BRWD1: variants seen among roughly 807,000 people sequenced by gnomAD.
BRWD1 encodes bromodomain and WD repeat-containing protein 1.
BRWD1 carries 82 observed loss-of-function variants against 251.2 expected under a neutral mutation model. That is an observed-to-expected ratio of 0.33 (90% CI 0.27 to 0.39). The LOEUF is 0.39. Among genes scored for constraint, BRWD1 ranks in the 10% least tolerant of loss-of-function variants. The probability of loss-of-function intolerance (pLI) is 1.00; values close to 1 mark genes in which losing one functional copy is unlikely to be tolerated. For missense variants in BRWD1, 2,233 were observed against 2,711.6 expected, an observed-to-expected ratio of 0.82 and a Z score of 3.92; for synonymous variants, 918 against 902.8, an observed-to-expected ratio of 1.02 and a Z score of -0.30.
chr21:39,319,393 G>A (rs776185088), intron 1 of BRWD1, among the ~76,000 whole-genome samples: 4 of 152,046 alleles, frequency 2.6e-5, no homozygotes. Context: ...AGTCTTACTC[G>A]TTCTTACTTT....
At chr21:39,320,741 G>C (rs570691815) in intron 1 of BRWD1, among the ~76,000 whole-genome samples, 1 of 147,160 alleles carries the variant, frequency 6.8e-6, no homozygotes, top group East Asian at 2.0e-4. Flanking sequence ...CATGATCTCG[G>C]CTCACTACAC....
At chr21:39,278,434 T>G (rs1568944084) in intron 10 of BRWD1, 3 of 290,584 alleles carry the variant, frequency 1.0e-5, no homozygotes, top group African/African-American at 4.3e-5. Context: ...TTTAGCCTAT[T>G]CAAAGAAAAT....
At chr21:39,246,785 T>C (rs2146598087) in intron 21 of BRWD1, among the ~76,000 whole-genome samples, 1 of 152,292 alleles carries the variant, frequency 6.6e-6, no homozygotes, top group East Asian at 1.9e-4. Flanking sequence ...CAAAATCATA[T>C]TTTAAGAGCC....
At chr21:39,234,861 A>G (rs1328058001) in intron 23 of BRWD1, among the ~76,000 whole-genome samples, 1 of 152,194 alleles carries the variant, frequency 6.6e-6, no homozygotes, top group Non-Finnish European at 1.5e-5. Flanking sequence ...GTTTATCAAG[A>G]GGGAGCAGTA....
intron 38 of BRWD1, among the ~76,000 whole-genome samples, chr21:39,201,199 A>C (rs925202954): frequency 6.6e-6 from 1 of 152,082 alleles, no homozygotes; most frequent in African/African-American, 2.4e-5. Flanking sequence ...AGGGAAGAAA[A>C]GAAAACTGGC....
rs749984235 is a variant in BRWD1, at chr21:39,250,874, G to C, written c.2271C>G (p.Phe757Leu). The change falls in exon 20 of 41, where the codon TTC (phenylalanine) becomes TTG (leucine). Residue 757 changes from phenylalanine to leucine, a missense_variant. Around this residue, in one of 12 missense-constraint regions of BRWD1, gnomAD observed 214 missense variants for 222.0 expected, o/e 0.96. Transcript: ENST00000342449. ...TTTCCTCTTCACCTTTCTCTAATCG[G>C]AAGTCTTCCAGCTTCCTACAAATTT... Reference protein sequence around the residue: ...PLGIFRKLEDFRLEKGEEERN... With the variant: ...PLGIFRKLEDLRLEKGEEERN... The C allele has an allele frequency of 6.3e-7, 1 of 1,593,824 alleles. No homozygotes were observed. The highest frequency in any genetic ancestry group is 8.5e-7 in the Non-Finnish European group (1 of 1,170,298).
chr21:39,202,926 A>G (rs1355137582), intron 37 of BRWD1, among the ~76,000 whole-genome samples: 1 of 152,196 alleles, frequency 6.6e-6, no homozygotes, highest in African/African-American at 2.4e-5. Flanking sequence ...TCTTATTTCT[A>G]TGTCCCTAAA....
chr21:39,298,590 G>A lies in BRWD1; in HGVS notation c.199-8C>T, dbSNP rs2036021300. 4 of 1,574,796 alleles carry A rather than the reference G, an allele frequency of 2.5e-6. No homozygotes were observed. The highest frequency in any genetic ancestry group is 3.4e-6 in the Non-Finnish European group (4 of 1,165,042). ...ATGCTTATTGGACAAGACCTAGTTG[G>A]AGAGCAAGTTTTAATGACAACAGCT... is the stretch of plus-strand genomic sequence containing the variant. On this transcript the variant is annotated splice_region_variant and splice_polypyrimidine_tract_variant and intron_variant, in intron 4 of 40. Transcript: ENST00000342449.
chr21:39,298,182 C>T, intron 5 of BRWD1: 1 of 1,131,210 alleles, frequency 8.8e-7, no homozygotes. Context: ...CCTCAAACAA[C>T]ATCTCAGAAT....
At chr21:39,297,050 T>TA in intron 5 of BRWD1, 1 of 985,374 alleles carries the variant, frequency 1.0e-6, no homozygotes, top group South Asian at 4.7e-5. Flanking sequence ...GAAGAGCACA[T>TA]ACGTAGGATC....
chr21:39,302,112 T>G (rs1601497321), intron 4 of BRWD1, among the ~76,000 whole-genome samples: 1 of 149,218 alleles, frequency 6.7e-6, no homozygotes, highest in African/African-American at 2.5e-5. Context: ...GCCTCCCAAG[T>G]AGCTGGGATT....
chr21:39,274,818 G>T (rs1344644381), intron 12 of BRWD1, among the ~76,000 whole-genome samples: 1 of 152,178 alleles, frequency 6.6e-6, no homozygotes, highest in Non-Finnish European at 1.5e-5. Context: ...AAGGTGGGTG[G>T]ATCACAAGGT....
intron 4 of BRWD1, among the ~76,000 whole-genome samples, chr21:39,308,885 C>A (rs985902455): frequency 6.6e-6 from 1 of 152,032 alleles, no homozygotes; most frequent in African/African-American, 2.4e-5. Flanking sequence ...TTAAGATAAT[C>A]AGGGAAGGGG....
At chr21:39,279,422 T>C (rs2035379068) in intron 9 of BRWD1, among the ~76,000 whole-genome samples, 1 of 152,092 alleles carries the variant, frequency 6.6e-6, no homozygotes. Context: ...GTGGATCACC[T>C]GAGATCAGGA....
intron 8 of BRWD1, among the ~76,000 whole-genome samples, chr21:39,291,977 C>T (rs2035820895): frequency 6.6e-6 from 1 of 152,056 alleles, no homozygotes; most frequent in Non-Finnish European, 1.5e-5. Flanking sequence ...GAGGCAGTCT[C>T]ACTTTGTCAC....
At position 39,295,841 on chromosome 21, in the gene BRWD1, T is replaced by C. The variant is rs2035948337; in HGVS notation, c.511A>G (p.Thr171Ala). 1 of 1,610,852 alleles carries C rather than the reference T, an allele frequency of 6.2e-7. No homozygotes were observed. The highest frequency in any genetic ancestry group is 8.5e-7 in the Non-Finnish European group (1 of 1,178,014). Residue 171 changes from threonine to alanine, a missense_variant, in exon 7 of 41, where the codon ACT (threonine) becomes GCT (alanine). This residue lies in a region of BRWD1 where 185 missense variants were observed against 260.6 expected (regional missense o/e 0.71). Transcript: ENST00000342449. ...TGCATTTTTATATGCTGATACATAGTTCCTGGAAATGCTGTACTAAAAGTG... is the reference window on the plus strand; with the variant it reads ...TGCATTTTTATATGCTGATACATAGCTCCTGGAAATGCTGTACTAAAAGTG... ...CSTFSTAFPGTMYQHIKMHRR... is the reference protein window; with the variant it reads ...CSTFSTAFPGAMYQHIKMHRR...
intron 4 of BRWD1, among the ~76,000 whole-genome samples, chr21:39,304,286 T>C (rs1329863091): frequency 6.7e-6 from 1 of 148,638 alleles, no homozygotes; most frequent in Non-Finnish European, 1.5e-5. Context: ...AAAGAACAGG[T>C]AGACTTAAAC....
Position 39,232,458 on chromosome 21 carries a change from T to C in BRWD1, c.2807A>G (p.Glu936Gly). Residue 936 changes from glutamate to glycine, a missense_variant, in exon 24 of 41, where the codon GAG becomes GGG. Glu to Gly is a moderately conservative substitution (Grantham distance 98). This residue lies in a region of BRWD1 where 214 missense variants were observed against 222.0 expected (regional missense o/e 0.96). Transcript: ENST00000342449. ...TGGAGGGTGAAATTCATATAAATGC[T>C]CCATATTTGCAAGCTCTGCTGGAGT... Reference protein sequence around the residue: ...RMTPAELANMEHLYEFHPPVW... With the variant: ...RMTPAELANMGHLYEFHPPVW... The C allele has an allele frequency of 6.3e-7, 1 of 1,587,150 alleles. No individual in the cohort carries two copies. Among genetic ancestry groups the C allele is most frequent in the Non-Finnish European group, 8.5e-7 (1 of 1,174,044 alleles).
Position 39,196,076 on chromosome 21 carries a change from C to A in BRWD1, c.*183G>T. On this transcript the variant is annotated 3_prime_UTR_variant, in exon 41 of 41. Transcript: ENST00000342449. The stretch of plus-strand genomic sequence containing the variant: ...CATATTTTGGCACCTGTGCTGAATG[C>A]TGCTACAAAGACCAGCAAGTGCAAA... The A allele has an allele frequency of 7.4e-7, 1 of 1,358,296 alleles. No individual in the cohort carries two copies. The highest frequency in any genetic ancestry group is 9.4e-7 in the Non-Finnish European group (1 of 1,060,150). The allele number at this position is 1,358,296 out of a possible 1,614,324, so 84.1% of individuals were successfully genotyped here.
Sources: allele counts gnomAD v4.1 joint callset (sites outside exome capture counted in the v4.1 genomes callset), GRCh38; gene constraint gnomAD v4.1.1; regional missense constraint gnomAD v4.1.1; transcripts MANE v1.5; gene names NCBI Gene and HGNC (gene_info 2026-07-23, HGNC 2026-07-21).